Variants in ZBTB20 observed in about 807,000 individuals in gnomAD.
The protein encoded by ZBTB20 is zinc finger and BTB domain-containing protein 20.
ZBTB20 carries 9 observed loss-of-function variants against 56.9 expected under a neutral mutation model. The ratio of observed to expected loss-of-function variants is 0.16; its 90% CI spans 0.10 to 0.28. The LOEUF is 0.28. Ranked by LOEUF, ZBTB20 falls within the 10% of genes least tolerant of loss-of-function variation. The probability of loss-of-function intolerance (pLI) is 1.00; values close to 1 mark genes in which losing one functional copy is unlikely to be tolerated. For synonymous variants in ZBTB20, 417 were observed against 420.7 expected, an observed-to-expected ratio of 0.99 and a Z score of 0.11; for missense variants, 655 against 1,003.0, an observed-to-expected ratio of 0.65 and a Z score of 4.69.
chr3:114,719,382 A>G (rs2064748532), intron 5 of ZBTB20, among the ~76,000 whole-genome samples: 1 of 152,066 alleles, frequency 6.6e-6, no homozygotes, highest in African/African-American at 2.4e-5. Flanking sequence ...TAGCTAAAAG[A>G]TCCAACACAA....
chr3:115,077,718 T>C (rs946511645), intron 1 of ZBTB20, among the ~76,000 whole-genome samples: 7 of 152,184 alleles, frequency 4.6e-5, no homozygotes, highest in Non-Finnish European at 1.0e-4. Context: ...AGGGCTGTTA[T>C]TAATAAAACA....
At chr3:114,664,660 A>C (rs908041129) in intron 6 of ZBTB20, among the ~76,000 whole-genome samples, 5 of 151,914 alleles carry the variant, frequency 3.3e-5, no homozygotes, top group African/African-American at 1.2e-4. Flanking sequence ...TACTGTGGTA[A>C]GTTTGCATCT....
At chr3:114,772,454 G>C (rs766553540) in intron 5 of ZBTB20, among the ~76,000 whole-genome samples, 1 of 152,166 alleles carries the variant, frequency 6.6e-6, no homozygotes, top group Non-Finnish European at 1.5e-5. Context: ...ATGCTTTGTA[G>C]TGATTAAAAG....
intron 6 of ZBTB20, among the ~76,000 whole-genome samples, chr3:114,590,575 A>G (rs2055660954): frequency 6.6e-6 from 1 of 151,814 alleles, no homozygotes. Context: ...CAGCAGCTGT[A>G]TCCACAATTT....
At chr3:114,491,422 A>G (rs1388986813) in intron 7 of ZBTB20, among the ~76,000 whole-genome samples, 1 of 151,918 alleles carries the variant, frequency 6.6e-6, no homozygotes, top group East Asian at 1.9e-4. Flanking sequence ...CTTTCCTTAA[A>G]TCTCTTCCCC....
chr3:114,342,956 T>TGAGC (rs1346373752), intron 11 of ZBTB20, among the ~76,000 whole-genome samples: 2 of 152,146 alleles, frequency 1.3e-5, no homozygotes, highest in Non-Finnish European at 2.9e-5. Flanking sequence ...AACCCGTGAC[T>TGAGC]GAGCACTGGA....
rs376453820 is a variant in ZBTB20 at position 114,601,100 on chromosome 3, G to T, written c.-295+92428C>A. Among the ~76,000 whole-genome samples the T allele has an allele frequency of 2.1e-4, 32 of 152,056 alleles. No homozygotes were observed. The East Asian group carries it at 5.2e-3, about 25-fold the overall frequency. On this transcript the variant is annotated intron_variant, in intron 6 of 11. Coordinates refer to ENST00000675478, the MANE Select transcript of ZBTB20 (RefSeq NM_001348800.3). ...AAAATACCAGATTCAACTAATGAGGGGCACAAAAGCCTTATTAACTGTGTT... is the reference window on the plus strand; with the variant it reads ...AAAATACCAGATTCAACTAATGAGGTGCACAAAAGCCTTATTAACTGTGTT...
chr3:114,382,824 T>C (rs1000993178), intron 8 of ZBTB20, among the ~76,000 whole-genome samples: 2 of 152,232 alleles, frequency 1.3e-5, no homozygotes, highest in African/African-American at 4.8e-5. Flanking sequence ...CTTTTCTTCT[T>C]CCTTCTCTCC....
chr3:114,456,872 G>A (rs1176534774), intron 7 of ZBTB20, among the ~76,000 whole-genome samples: 1 of 152,206 alleles, frequency 6.6e-6, no homozygotes, highest in African/African-American at 2.4e-5. Context: ...CAACAACATT[G>A]CTACTTAGGG....
intron 6 of ZBTB20, among the ~76,000 whole-genome samples, chr3:114,660,706 CACA>C (rs768401985): frequency 1.1e-4 from 16 of 152,100 alleles, no homozygotes; most frequent in Non-Finnish European, 2.1e-4. Context: ...TCATAATCAG[CACA>C]ACAAGACAGG....
At chr3:114,806,987 T>C (rs2072152517) in intron 4 of ZBTB20, among the ~76,000 whole-genome samples, 1 of 152,034 alleles carries the variant, frequency 6.6e-6, no homozygotes, top group Admixed American at 6.6e-5. Flanking sequence ...GCCAATATCA[T>C]ACTCTATAAA....
chr3:114,380,148 G>C lies in ZBTB20; in HGVS notation c.199+69C>G, dbSNP rs982588683. 2.9e-6 allele frequency: 4 copies of C among 1,397,504 alleles called. No homozygotes were observed. The African/African-American group carries it at 4.3e-5, about 15-fold the overall frequency. The allele number at this position is 1,397,504 out of a possible 1,614,324, so 86.6% of individuals were successfully genotyped here. On this transcript the variant is annotated intron_variant, in intron 10 of 11. Transcript: ENST00000675478. Reference sequence around the variant, plus strand: ...AAGAGCTCGCTCTGAAAGTAGAAAAGCCAGAACCCAGGGTAGAAGCACTAC... The same window carrying C: ...AAGAGCTCGCTCTGAAAGTAGAAAACCCAGAACCCAGGGTAGAAGCACTAC...
chr3:114,431,255 C>G (rs555401011), intron 7 of ZBTB20, among the ~76,000 whole-genome samples: 25 of 152,232 alleles, frequency 1.6e-4, no homozygotes, highest in African/African-American at 6.0e-4. Context: ...GAGCAAGGCA[C>G]CTCCCAGCTC....
intron 3 of ZBTB20, among the ~76,000 whole-genome samples, chr3:114,938,023 C>G (rs1481514549): frequency 6.6e-6 from 1 of 151,860 alleles, no homozygotes; most frequent in Non-Finnish European, 1.5e-5. Context: ...GGCGTGGAGG[C>G]AGGAGAATGG....
intron 3 of ZBTB20, among the ~76,000 whole-genome samples, chr3:114,951,336 G>C (rs1386260025): frequency 6.6e-6 from 1 of 151,978 alleles, no homozygotes; most frequent in Non-Finnish European, 1.5e-5. Flanking sequence ...CAGCTTGCTG[G>C]CTGGAGGACA....
At chr3:114,553,491 G>C (rs2050821063) in intron 6 of ZBTB20, among the ~76,000 whole-genome samples, 1 of 152,128 alleles carries the variant, frequency 6.6e-6, no homozygotes, top group Non-Finnish European at 1.5e-5. Flanking sequence ...AGTATACTGG[G>C]CTTTCCTTTT....
At chr3:115,128,521 G>A (rs76903236) in intron 1 of ZBTB20, among the ~76,000 whole-genome samples, 24,854 of 151,674 alleles carry the variant, frequency 0.16, 2,765 homozygotes, top group Non-Finnish European at 0.26. Flanking sequence ...AAAATTAGCT[G>A]GGTGTGGCGG....
chr3:115,047,417 T>C, intron 2 of ZBTB20, among the ~76,000 whole-genome samples: 1 of 152,216 alleles, frequency 6.6e-6, no homozygotes, highest in East Asian at 1.9e-4. Flanking sequence ...TTAAGCTGAT[T>C]GTACGAAATC....
chr3:114,604,961 T>G (rs1168115620), intron 6 of ZBTB20, among the ~76,000 whole-genome samples: 1 of 152,092 alleles, frequency 6.6e-6, no homozygotes, highest in Non-Finnish European at 1.5e-5. Context: ...TCTTGAGGAA[T>G]TTTAATGTGT....
Sources: gnomAD v4.1 joint callset for allele counts (sites outside exome capture counted in the v4.1 genomes callset) on GRCh38, gnomAD v4.1.1 for gene constraint, MANE v1.5 for transcripts, NCBI Gene and HGNC (gene_info 2026-07-23, HGNC 2026-07-21) for gene names.